Variants in HDAC9 observed in about 807,000 individuals in gnomAD.
HDAC9 encodes histone deacetylase 9.
HDAC9 carries 41 observed loss-of-function variants against 139.4 expected under a neutral mutation model. The observed-to-expected ratio is 0.29, with a 90% CI of 0.23 to 0.38. HDAC9 has a LOEUF of 0.38. HDAC9 is among the 10% of genes least tolerant of loss of function. The pLI, the probability that HDAC9 is intolerant of heterozygous loss-of-function variation, is 1.00. For synonymous variants in HDAC9, 517 were observed against 476.2 expected, an observed-to-expected ratio of 1.09 and a Z score of -1.12; for missense variants, 1,147 against 1,297.0, an observed-to-expected ratio of 0.88 and a Z score of 1.78.
intron 25 of HDAC9, among the ~76,000 whole-genome samples, chr7:18,992,228 A>G (rs1230317357): frequency 2.0e-5 from 3 of 152,246 alleles, no homozygotes; most frequent in African/African-American, 4.8e-5. Context: ...TTCATGGTGA[A>G]TAGAGAGTTG....
intron 6 of HDAC9, among the ~76,000 whole-genome samples, chr7:18,599,366 A>G (rs1833328614): frequency 6.6e-6 from 1 of 152,154 alleles, no homozygotes; most frequent in South Asian, 2.1e-4. Flanking sequence ...ATTCTATGAG[A>G]TTTAACAAAT....
intron 22 of HDAC9, among the ~76,000 whole-genome samples, chr7:18,900,200 G>A (rs57051651): frequency 0.4 from 60,669 of 151,892 alleles, 13,554 homozygotes; most frequent in East Asian, 0.88. Flanking sequence ...CTATACATGC[G>A]CACACAGGTG....
intron 2 of HDAC9, among the ~76,000 whole-genome samples, chr7:18,539,602 G>T (rs1812065684): frequency 6.6e-6 from 1 of 152,194 alleles, no homozygotes; most frequent in Non-Finnish European, 1.5e-5. Flanking sequence ...TGGGTGAAAG[G>T]TATATGGGAA....
At chr7:18,330,191 A>C (rs1800807752) in intron 1 of HDAC9, among the ~76,000 whole-genome samples, 1 of 151,710 alleles carries the variant, frequency 6.6e-6, no homozygotes, top group Admixed American at 6.6e-5. Flanking sequence ...TTCAAAACTA[A>C]ATGAAACCCA....
At chr7:18,270,500 G>A (rs866782740) in intron 2 of HDAC9, among the ~76,000 whole-genome samples, 46 of 152,020 alleles carry the variant, frequency 3.0e-4, no homozygotes, top group African/African-American at 1.0e-3. Context: ...TTCCTTTGTG[G>A]GATATGGTAC....
intron 8 of HDAC9, among the ~76,000 whole-genome samples, chr7:18,636,683 T>C (rs1171739202): frequency 2.6e-5 from 4 of 152,112 alleles, no homozygotes; most frequent in Non-Finnish European, 5.9e-5. Context: ...CTTTATCTTT[T>C]TCTTTATCCT....
At chr7:18,132,239 A>C (rs1446450935) in intron 1 of HDAC9, among the ~76,000 whole-genome samples, 2 of 152,152 alleles carry the variant, frequency 1.3e-5, no homozygotes, top group East Asian at 1.9e-4. Flanking sequence ...TCCAAAATCC[A>C]TGATGATCTC....
Position 18,229,174 on chromosome 7 carries a change from AT to A in HDAC9, c.25+66827del, listed in dbSNP as rs143848832. ...CTGTATCTAATAAGTTAAATTGTGA[AT>A]TGATAATACAGCTAAATATTTTAAA... On this transcript the variant is annotated intron_variant, in intron 2 of 12. Coordinates refer to the HDAC9 transcript ENST00000417496. Among the ~76,000 whole-genome samples, 992 of 152,342 alleles carry A rather than the reference AT, an allele frequency of 6.5e-3. 6 individuals are homozygous for A. The highest frequency in any genetic ancestry group is 0.023 in the African/African-American group (948 of 41,572).
At chr7:18,590,580 C>A in intron 4 of HDAC9, 94 bp downstream of exon 4, 1 of 1,280,298 alleles carries the variant, frequency 7.8e-7, no homozygotes, top group Non-Finnish European at 1.1e-6. Context: ...CGGTTAGACT[C>A]GTCAAAATTA....
chr7:18,647,752 G>T (rs1377406962), intron 9 of HDAC9, 33 bp from the exon 10 acceptor site: 4 of 1,545,316 alleles, frequency 2.6e-6, no homozygotes, highest in Non-Finnish European at 3.5e-6. Context: ...ATGGATGAAA[G>T]AGGATTAACA....
intron 1 of HDAC9, among the ~76,000 whole-genome samples, chr7:18,101,988 T>G (rs910286383): frequency 6.6e-6 from 1 of 152,196 alleles, no homozygotes; most frequent in African/African-American, 2.4e-5. Flanking sequence ...TCTTTTATAT[T>G]TATTCAGGAG....
At chr7:18,734,563 A>C (rs1786709005) in intron 13 of HDAC9, among the ~76,000 whole-genome samples, 1 of 152,174 alleles carries the variant, frequency 6.6e-6, no homozygotes. Context: ...AAAGGACATG[A>C]ACTCATCCTT....
At chr7:18,581,248 C>T (rs908041350) in intron 2 of HDAC9, among the ~76,000 whole-genome samples, 2 of 152,092 alleles carry the variant, frequency 1.3e-5, no homozygotes, top group African/African-American at 4.8e-5. Context: ...TGGATTGCTG[C>T]TGAATAAATT....
intron 25 of HDAC9, among the ~76,000 whole-genome samples, chr7:18,986,825 T>G (rs1159102791): frequency 6.6e-6 from 1 of 152,166 alleles, no homozygotes; most frequent in Admixed American, 6.5e-5. Flanking sequence ...TTTATTCTCT[T>G]TGAAGCAACT....
intron 1 of HDAC9, among the ~76,000 whole-genome samples, chr7:18,309,957 G>A (rs1476501057): frequency 2.0e-5 from 3 of 152,188 alleles, no homozygotes; most frequent in Admixed American, 2.0e-4. Flanking sequence ...GTAGGGCAGT[G>A]GTCCTCAAAG....
intron 2 of HDAC9, among the ~76,000 whole-genome samples, chr7:18,508,723 G>A (rs1461884376): frequency 6.6e-6 from 1 of 152,182 alleles, no homozygotes; most frequent in Non-Finnish European, 1.5e-5. Flanking sequence ...GGGGAGCAGA[G>A]TATCTTCGCC....
At chr7:18,538,900 AG>A (rs1439635106) in intron 2 of HDAC9, among the ~76,000 whole-genome samples, 1 of 152,126 alleles carries the variant, frequency 6.6e-6, no homozygotes, top group Non-Finnish European at 1.5e-5. Context: ...TTCAAGGTGG[AG>A]GGGCTGCCTC....
chr7:18,094,709 G>A (rs1782389762), intron 1 of HDAC9, among the ~76,000 whole-genome samples: 1 of 152,006 alleles, frequency 6.6e-6, no homozygotes, highest in African/African-American at 2.4e-5. Flanking sequence ...TCCTGCTTAG[G>A]CCTCCCAAAG....
chr7:18,422,971 A>G (rs1391811084), intron 1 of HDAC9, among the ~76,000 whole-genome samples: 1 of 152,220 alleles, frequency 6.6e-6, no homozygotes, highest in Non-Finnish European at 1.5e-5. Flanking sequence ...TAATGTGGAA[A>G]GGGTTCTCTT....
Sources: allele counts gnomAD v4.1 joint callset (sites outside exome capture counted in the v4.1 genomes callset), GRCh38; gene constraint gnomAD v4.1.1; transcripts MANE v1.5; gene names NCBI Gene and HGNC (gene_info 2026-07-23, HGNC 2026-07-21).